Variants in STEAP1B observed in about 807,000 individuals in gnomAD.
STEAP1B encodes STEAP family member 1B.
In STEAP1B, 13 loss-of-function variants were observed where a neutral mutation model predicts 27.9. The ratio of observed to expected loss-of-function variants is 0.47; its 90% CI spans 0.30 to 0.74. The LOEUF (loss-of-function observed/expected upper bound fraction) is 0.74. Ranked by LOEUF, STEAP1B falls within the 30% of genes least tolerant of loss-of-function variation. The pLI is 0.06. For synonymous variants in STEAP1B, 86 were observed against 107.1 expected, an observed-to-expected ratio of 0.80 and a Z score of 1.22; for missense variants, 250 against 298.7, an observed-to-expected ratio of 0.84 and a Z score of 1.20.
At chr7:22,476,306 C>A (rs993555775) in intron 4 of STEAP1B, among the ~76,000 whole-genome samples, 5 of 152,166 alleles carry the variant, frequency 3.3e-5, no homozygotes, top group Non-Finnish European at 5.9e-5. Flanking sequence ...AAAGAAGAGA[C>A]CCAAAGCCAG....
intron 4 of STEAP1B, among the ~76,000 whole-genome samples, chr7:22,491,895 A>T (rs1786329037): frequency 6.6e-6 from 1 of 152,178 alleles, no homozygotes; most frequent in Non-Finnish European, 1.5e-5. Context: ...AGACAGTAAT[A>T]TGAGGATGTT....
chr7:22,420,856 C>A (rs2128397621), intron 4 of STEAP1B, among the ~76,000 whole-genome samples: 1 of 152,308 alleles, frequency 6.6e-6, no homozygotes, highest in South Asian at 2.1e-4. Context: ...GCACTATTAT[C>A]TTACAGATGA....
intron 4 of STEAP1B, among the ~76,000 whole-genome samples, chr7:22,439,178 A>AAAC (rs139310435): frequency 0.034 from 5,105 of 152,242 alleles, 293 homozygotes; most frequent in African/African-American, 0.12. Flanking sequence ...CCGTGCCCCT[A>AAAC]AACAGTTTCA....
chr7:22,490,185 TA>T (rs200957876), intron 4 of STEAP1B, among the ~76,000 whole-genome samples: 2 of 152,030 alleles, frequency 1.3e-5, no homozygotes, highest in Non-Finnish European at 2.9e-5. Flanking sequence ...AACTTTTTTT[TA>T]AAAAACTGAC....
intron 4 of STEAP1B, among the ~76,000 whole-genome samples, chr7:22,428,541 T>C (rs1785138206): frequency 6.6e-6 from 1 of 152,048 alleles, no homozygotes; most frequent in African/African-American, 2.4e-5. Flanking sequence ...ACGGTCCAAC[T>C]AACGTCATAA....
chr7:22,421,196 G>A (rs1218537652), intron 4 of STEAP1B, among the ~76,000 whole-genome samples: 1 of 152,218 alleles, frequency 6.6e-6, no homozygotes, highest in African/African-American at 2.4e-5. Context: ...AAGGATACAA[G>A]GATGACAGTA....
chr7:22,422,429 T>A (rs1231980225), intron 4 of STEAP1B, among the ~76,000 whole-genome samples: 1 of 152,080 alleles, frequency 6.6e-6, no homozygotes, highest in Non-Finnish European at 1.5e-5. Context: ...CCAAATAGCT[T>A]GAGCAACAAC....
chr7:22,486,814 T>C (rs963034144), intron 4 of STEAP1B, among the ~76,000 whole-genome samples: 3 of 152,100 alleles, frequency 2.0e-5, no homozygotes, highest in African/African-American at 4.8e-5. Flanking sequence ...TAGCCCTTCC[T>C]GGTGGATCCT....
At chr7:22,451,660 TC>T (rs1288637679) in intron 4 of STEAP1B, among the ~76,000 whole-genome samples, 3 of 152,248 alleles carry the variant, frequency 2.0e-5, no homozygotes, top group Non-Finnish European at 2.9e-5. Flanking sequence ...ATGGTTTTTA[TC>T]CTTCATTCTG....
chr7:22,439,776 A>G (rs1196730271), intron 4 of STEAP1B, among the ~76,000 whole-genome samples: 2 of 152,200 alleles, frequency 1.3e-5, no homozygotes, highest in Non-Finnish European at 2.9e-5. Context: ...AATTACAAAT[A>G]TTTCTACATA....
intron 4 of STEAP1B, among the ~76,000 whole-genome samples, chr7:22,476,394 T>C (rs769394249): frequency 1.2e-4 from 18 of 151,998 alleles, no homozygotes; most frequent in Non-Finnish European, 2.9e-5. Flanking sequence ...ACAAGAACCA[T>C]GTAGCCCAGG....
In STEAP1B at chr7:22,432,594, T is replaced by A. The variant is rs992793011; in HGVS notation, c.763-12758A>T. Among the ~76,000 whole-genome samples, 90 of 152,132 alleles carry A rather than the reference T, an allele frequency of 5.9e-4. 1 individual carries two copies. Among genetic ancestry groups the A allele is most frequent in the African/African-American group, 1.6e-3 (68 of 41,512 alleles). On this transcript the variant is annotated intron_variant, in intron 4 of 4. Transcript: ENST00000678116. ...TGTCTCTAAGGAAAAATAAATTCCATTGTTTACAGGCTACCCAGTTTATGG... is the reference window on the plus strand; with the variant it reads ...TGTCTCTAAGGAAAAATAAATTCCAATGTTTACAGGCTACCCAGTTTATGG...
At chr7:22,425,638 G>A (rs1390287166) in intron 4 of STEAP1B, among the ~76,000 whole-genome samples, 3 of 152,156 alleles carry the variant, frequency 2.0e-5, no homozygotes, top group Non-Finnish European at 4.4e-5. Context: ...TATTTCACCA[G>A]AGCCAATAAT....
intron 4 of STEAP1B, among the ~76,000 whole-genome samples, chr7:22,467,419 G>T (rs1785804018): frequency 6.6e-6 from 1 of 152,172 alleles, no homozygotes; most frequent in Non-Finnish European, 1.5e-5. Flanking sequence ...TGTGAGCTGT[G>T]CACGTGTGTG....
At chr7:22,489,381 T>C (rs1319593570) in intron 4 of STEAP1B, among the ~76,000 whole-genome samples, 1 of 152,076 alleles carries the variant, frequency 6.6e-6, no homozygotes, top group Non-Finnish European at 1.5e-5. Context: ...TCAAGAAACA[T>C]AGTTGATATG....
Position 22,456,952 on chromosome 7 carries a change from C to CTATATATATATA in STEAP1B, c.762+35601_762+35612dup, listed in dbSNP as rs199847360. Among the ~76,000 whole-genome samples, 16 of 73,256 alleles carry CTATATATATATA rather than the reference C, an allele frequency of 2.2e-4. 1 individual carries two copies. The highest frequency in any genetic ancestry group is 1.6e-3 in the East Asian group (3 of 1,876). The allele number at this position is 73,256 out of a possible 152,430, so 48.1% of individuals were successfully genotyped here. On this transcript the variant is annotated intron_variant, in intron 4 of 4. Transcript: ENST00000678116. ...TTCAGAATGGGGGTGGGATAGGCAG[C>CTATATATATATA]TATATATATATATATATATATTTTT...
At chr7:22,475,739 T>C (rs2128412033) in intron 4 of STEAP1B, among the ~76,000 whole-genome samples, 1 of 152,344 alleles carries the variant, frequency 6.6e-6, no homozygotes, top group East Asian at 1.9e-4. Context: ...CCCAGAGATT[T>C]ATTCCTTGTC....
intron 4 of STEAP1B, among the ~76,000 whole-genome samples, chr7:22,436,548 C>T (rs1270750405): frequency 6.6e-6 from 1 of 152,032 alleles, no homozygotes; most frequent in Non-Finnish European, 1.5e-5. Flanking sequence ...CTCCTCCCAC[C>T]CTCCACCCTC....
chr7:22,491,589 G>C (rs1361515288), intron 4 of STEAP1B, among the ~76,000 whole-genome samples: 1 of 152,120 alleles, frequency 6.6e-6, no homozygotes, highest in African/African-American at 2.4e-5. Flanking sequence ...AGAGAAAAAA[G>C]GTATTCTTGG....
Sources: allele counts gnomAD v4.1 joint callset (sites outside exome capture counted in the v4.1 genomes callset), GRCh38; gene constraint gnomAD v4.1.1; transcripts MANE v1.5; gene names NCBI Gene and HGNC (gene_info 2026-07-23, HGNC 2026-07-21).